Variants in BCAS3 observed in about 807,000 individuals in gnomAD.
The protein encoded by BCAS3 is BCAS3 microtubule associated cell migration factor, also known as BCAS4/BCAS3 fusion.
In BCAS3, 53 loss-of-function variants were observed where a neutral mutation model predicts 116.1. The observed-to-expected ratio is 0.46, with a 90% CI of 0.37 to 0.57. The LOEUF is 0.57. Among genes scored for constraint, BCAS3 ranks in the 20% least tolerant of loss-of-function variants. The probability of loss-of-function intolerance (pLI) is 0.00; values close to 1 mark genes in which losing one functional copy is unlikely to be tolerated. For missense variants in BCAS3, 917 were observed against 1,165.4 expected (o/e 0.79, Z 3.10); for synonymous variants, 391 against 408.2 (o/e 0.96, Z 0.51).
Position 61,208,716 on chromosome 17 carries a change from A to G in BCAS3, c.2425+124152A>G, listed in dbSNP as rs1439545599. On this transcript the variant is annotated intron_variant, in intron 22 of 23. Transcript: ENST00000407086. The surrounding 1 kb of genome is among the most constrained non-coding windows in gnomAD (Gnocchi z 4.5). The stretch of plus-strand genomic sequence containing the variant: ...ACATTTTGTTCCCAAACAGAATTAG[A>G]AGGAAAAGGTCTGCTTAGCTGTCTT... Among the ~76,000 whole-genome samples, 2 of 152,186 alleles carry G rather than the reference A, an allele frequency of 1.3e-5. No individual in the cohort carries two copies. Among genetic ancestry groups the G allele is most frequent in the East Asian group, 3.8e-4 (2 of 5,196 alleles).
At chr17:60,783,504 A>T (rs1261788187) in intron 6 of BCAS3, among the ~76,000 whole-genome samples, 1 of 152,166 alleles carries the variant, frequency 6.6e-6, no homozygotes, top group Non-Finnish European at 1.5e-5. Flanking sequence ...TGCGCCTGAC[A>T]ATCAACAAAT....
Position 61,200,266 on chromosome 17 carries a change from C to T in BCAS3, c.2425+115702C>T, listed in dbSNP as rs563145982. Among the ~76,000 whole-genome samples the T allele has an allele frequency of 3.9e-5, 6 of 152,232 alleles. No individual in the cohort carries two copies. In the East Asian group the frequency reaches 5.8e-4, roughly 15 times the overall value. ...TCAGAAGGAGTCAGAGTGGTCTGAG[C>T]GAATGAGAAGGAGATTAATATTAAT... is the stretch of plus-strand genomic sequence containing the variant. On this transcript the variant is annotated intron_variant, in intron 22 of 23. Transcript: ENST00000407086. The surrounding 1 kb of genome is among the most constrained non-coding windows in gnomAD (Gnocchi z 5.1).
At chr17:60,694,763 A>C (rs1279406505) in intron 4 of BCAS3, among the ~76,000 whole-genome samples, 2 of 152,048 alleles carry the variant, frequency 1.3e-5, no homozygotes, top group Admixed American at 6.6e-5. Context: ...TGTGTGGGCA[A>C]CAATGGCCAT....
rs1284031246 is a variant in BCAS3 at position 61,205,701 on chromosome 17, T to A, written c.2425+121137T>A. Reference sequence around the variant, plus strand: ...ATCAGAGGATATGCTTCTTTTATGTTCCTTAGACTCTTGCCCAGCATGCTT... The same window carrying A: ...ATCAGAGGATATGCTTCTTTTATGTACCTTAGACTCTTGCCCAGCATGCTT... On this transcript the variant is annotated intron_variant, in intron 22 of 23. Transcript: ENST00000407086. The surrounding 1 kb of genome is among the most constrained non-coding windows in gnomAD (Gnocchi z 5.2). Among the ~76,000 whole-genome samples the A allele has an allele frequency of 6.6e-6, 1 of 152,186 alleles. No homozygotes were observed. The highest frequency in any genetic ancestry group is 2.4e-5 in the African/African-American group (1 of 41,446).
At chr17:60,750,456 G>A (rs967529339) in intron 6 of BCAS3, among the ~76,000 whole-genome samples, 10 of 151,862 alleles carry the variant, frequency 6.6e-5, no homozygotes, top group Non-Finnish European at 1.2e-4. Flanking sequence ...ATTTATTGTA[G>A]TTCCTAGCCA....
chr17:61,038,638 A>C (rs975021983), intron 18 of BCAS3, among the ~76,000 whole-genome samples: 4 of 121,704 alleles, frequency 3.3e-5, no homozygotes, highest in African/African-American at 1.6e-4. Context: ...ACAATACTTC[A>C]TTCCTTTTTT....
intron 12 of BCAS3, among the ~76,000 whole-genome samples, chr17:60,917,021 CAG>C (rs1438525071): frequency 6.6e-6 from 1 of 152,076 alleles, no homozygotes; most frequent in African/African-American, 2.4e-5. Flanking sequence ...AAATGTTAAA[CAG>C]AGTTATATGA....
chr17:60,760,807 C>T (rs1449134605), intron 6 of BCAS3, among the ~76,000 whole-genome samples: 1 of 151,968 alleles, frequency 6.6e-6, no homozygotes, highest in African/African-American at 2.4e-5. Context: ...GTTTTCTAAC[C>T]CTTTCATTCT....
At chr17:61,024,970 G>C (rs1463609372) in intron 16 of BCAS3, among the ~76,000 whole-genome samples, 1 of 152,092 alleles carries the variant, frequency 6.6e-6, no homozygotes, top group Non-Finnish European at 1.5e-5. Context: ...GGACATTCCA[G>C]ATTACAGTCA....
chr17:61,097,093 A>G lies in BCAS3; in HGVS notation c.2425+12529A>G, dbSNP rs2074024131. ...GATATTAATAAACACAAAGAAAACC[A>G]TACGTAGACATATTATAATCAAACT... On this transcript the variant is annotated intron_variant, in intron 22 of 23. Coordinates refer to ENST00000407086, the MANE Select transcript of BCAS3 (RefSeq NM_017679.5). This position sits in a 1 kb window ranked among gnomAD's most constrained non-coding sequence, Gnocchi z 4.0. Among the ~76,000 whole-genome samples, 1 of 152,252 alleles carries G rather than the reference A, an allele frequency of 6.6e-6. No homozygotes were observed. The highest frequency in any genetic ancestry group is 2.4e-5 in the African/African-American group (1 of 41,470).
intron 22 of BCAS3, among the ~76,000 whole-genome samples, chr17:61,329,392 G>C (rs1314071631): frequency 3.4e-5 from 5 of 149,150 alleles, no homozygotes. Flanking sequence ...CCAGGCCGGA[G>C]TGCAGTGGCG....
chr17:60,701,551 A>G (rs1377797297), intron 4 of BCAS3, among the ~76,000 whole-genome samples: 1 of 152,214 alleles, frequency 6.6e-6, no homozygotes, highest in Non-Finnish European at 1.5e-5. Context: ...ACACTTTGAC[A>G]AAACTTGCAG....
intron 22 of BCAS3, among the ~76,000 whole-genome samples, chr17:61,257,853 A>G (rs1198286628): frequency 6.6e-6 from 1 of 152,220 alleles, no homozygotes; most frequent in Non-Finnish European, 1.5e-5. Context: ...CACAGTGCTT[A>G]ATAGTAGTAG....
At chr17:61,340,392 CGAT>C (rs2057054243) in intron 22 of BCAS3, among the ~76,000 whole-genome samples, 1 of 151,942 alleles carries the variant, frequency 6.6e-6, no homozygotes, top group Admixed American at 6.6e-5. Flanking sequence ...TCCATTTTCT[CGAT>C]GAAGCCGTCA....
intron 14 of BCAS3, among the ~76,000 whole-genome samples, chr17:60,984,470 A>G (rs1319591997): frequency 1.3e-5 from 2 of 152,156 alleles, no homozygotes; most frequent in African/African-American, 2.4e-5. Flanking sequence ...ATATGTATAT[A>G]TACAGCTTTT....
chr17:60,924,518 CTT>C lies in BCAS3; in HGVS notation c.1087+35_1087+36del, dbSNP rs75229063. ...TACAAGTGGTAAGTTCGCTCTCTGTCTTTTTTTTTTTTTTTTTTGTAGACCAT... is the reference window on the plus strand; with the variant it reads ...TACAAGTGGTAAGTTCGCTCTCTGTCTTTTTTTTTTTTTTTTGTAGACCAT... On this transcript the variant is annotated intron_variant, in intron 13 of 23. Coordinates refer to ENST00000407086, the MANE Select transcript of BCAS3 (RefSeq NM_017679.5). 0.04 allele frequency: 41,625 copies of C among 1,050,882 alleles called. No individual in the cohort carries two copies. The highest frequency in any genetic ancestry group is 0.05 in the South Asian group (2,797 of 56,126). The allele number at this position is 1,050,882 out of a possible 1,614,324, so 65.1% of individuals were successfully genotyped here.
chr17:61,238,499 T>C (rs1056413458), intron 22 of BCAS3, among the ~76,000 whole-genome samples: 2 of 151,802 alleles, frequency 1.3e-5, no homozygotes, highest in Non-Finnish European at 2.9e-5. Flanking sequence ...GGGATTACAG[T>C]TGTGAGCCAC....
At chr17:60,768,501 G>A (rs1046582963) in intron 6 of BCAS3, among the ~76,000 whole-genome samples, 3 of 152,200 alleles carry the variant, frequency 2.0e-5, no homozygotes, top group African/African-American at 7.2e-5. Flanking sequence ...AGGTTCTTCA[G>A]TTTTGGGACT....
chr17:61,152,057 G>A (rs543645580), intron 22 of BCAS3, among the ~76,000 whole-genome samples: 9 of 152,110 alleles, frequency 5.9e-5, no homozygotes, highest in African/African-American at 1.4e-4. Context: ...TCATGGTCTC[G>A]CTGACTTCAA....
Sources: allele counts gnomAD v4.1 joint callset (sites outside exome capture counted in the v4.1 genomes callset), GRCh38; gene constraint gnomAD v4.1.1; non-coding constraint Gnocchi (gnomAD v3.1); transcripts MANE v1.5; gene names NCBI Gene and HGNC (gene_info 2026-07-23, HGNC 2026-07-21).